The following IWS1 variants were observed in gnomAD, a reference collection of about 807,000 sequenced individuals.
The protein encoded by IWS1 is protein IWS1 homolog.
Under a neutral mutation model 86.7 loss-of-function variants are expected in IWS1, and 27 were observed. The ratio of observed to expected loss-of-function variants is 0.31; its 90% CI spans 0.23 to 0.43. The LOEUF is 0.43. IWS1 is among the 20% of genes least tolerant of loss of function. IWS1 has a pLI of 1.00. For synonymous variants in IWS1, 313 were observed against 335.1 expected (o/e 0.93, Z 0.72); for missense variants, 827 against 1,000.8 (o/e 0.83, Z 2.34).
intron 8 of IWS1, among the ~76,000 whole-genome samples, chr2:127,494,247 A>T (rs1202283661): frequency 0.15 from 1,324 of 8,582 alleles, 22 homozygotes; most frequent in African/African-American, 0.32. Flanking sequence ...TCTCTAATTA[A>T]AAAAAAAAAA....
intron 2 of IWS1, among the ~76,000 whole-genome samples, chr2:127,523,118 G>A (rs1692191713): frequency 6.6e-6 from 1 of 152,152 alleles, no homozygotes; most frequent in African/African-American, 2.4e-5. Flanking sequence ...CTATGAGGTG[G>A]GAGGATAGCT....
At chr2:127,524,453 AG>A (rs1692274381) in intron 1 of IWS1, among the ~76,000 whole-genome samples, 1 of 151,020 alleles carries the variant, frequency 6.6e-6, no homozygotes, top group African/African-American at 2.4e-5. Context: ...TGCCTCCTAA[AG>A]TGCTGGGATT....
Position 127,523,911 on chromosome 2 carries a change from C to T in IWS1, c.35-120G>A. 6.0e-6 allele frequency: 4 copies of T among 661,300 alleles called. No homozygotes were observed. The East Asian group carries it at 7.6e-5, about 13-fold the overall frequency. 41.0% of individuals were successfully genotyped at this position (661,300 alleles called of 1,614,324 possible). On this transcript the variant is annotated intron_variant, in intron 1 of 13. Coordinates refer to ENST00000295321, the MANE Select transcript of IWS1 (RefSeq NM_017969.3). ...AAAGTTACCACTGAGGAAGCATTAA[C>T]TAAAGTTGCTAATATTTTGAATAAG... is the stretch of plus-strand genomic sequence containing the variant.
intron 8 of IWS1, among the ~76,000 whole-genome samples, chr2:127,494,248 A>G (rs75715244): frequency 1.0e-5 from 1 of 100,428 alleles, no homozygotes; most frequent in Non-Finnish European, 2.6e-5. Flanking sequence ...CTCTAATTAA[A>G]AAAAAAAAAA....
At chr2:127,527,275 A>T (rs1403733375), upstream of IWS1, among the ~76,000 whole-genome samples, 1 of 152,186 alleles carries the variant, frequency 6.6e-6, no homozygotes, top group Non-Finnish European at 1.5e-5. Flanking sequence ...CTGTTAATAA[A>T]GCCAAACAGA....
chr2:127,505,011 G>A lies in IWS1; in HGVS notation c.892C>T (p.Arg298Ter), dbSNP rs763687905. 2 of 1,613,504 alleles carry A rather than the reference G, an allele frequency of 1.2e-6. No homozygotes were observed. The highest frequency in any genetic ancestry group is 1.7e-5 in the Admixed American group (1 of 59,900). Residue 298 changes from arginine (R) to a stop codon, truncating the protein, a stop_gained, in exon 3 of 14, where the codon CGA becomes TGA. Coordinates refer to ENST00000295321, the MANE Select transcript of IWS1 (RefSeq NM_017969.3). LOFTEE classifies it high-confidence loss of function. This position sits in a 1 kb window ranked among gnomAD's most constrained non-coding sequence, Gnocchi z 5.0. ...CCCTCACTCTCAGAGTCACTGACTC[G>A]GGGTTTGGGTAGCTCCTCATTTTCC... ...DSENEELPKP[R>*]VSDSESEGPQ...
chr2:127,526,633 T>G, upstream of IWS1: 1 of 1,331,564 alleles, frequency 7.5e-7, no homozygotes. Context: ...TTTAGTTAAA[T>G]ACCTTCCTCG....
chr2:127,486,922 T>C (rs144915154), intron 12 of IWS1, among the ~76,000 whole-genome samples: 1 of 152,286 alleles, frequency 6.6e-6, no homozygotes, highest in East Asian at 1.9e-4. Flanking sequence ...TTTTCTCCTC[T>C]CCTCAGCTTC....
intron 2 of IWS1, among the ~76,000 whole-genome samples, chr2:127,509,707 C>CA (rs34526019): frequency 0.7 from 38,548 of 55,060 alleles, 14,003 homozygotes; most frequent in East Asian, 0.81. Flanking sequence ...CACTCCATCT[C>CA]AAAAAAAAAA....
rs1690139418 is a variant in IWS1, at chr2:127,490,012, C to T, written c.2048-69G>A. ...TTTCCATTTTTTTCAAATAATTGCA[C>T]CCCAGTGTGAGGGGATATTCTAGAC... On this transcript the variant is annotated intron_variant, in intron 10 of 13. Coordinates refer to ENST00000295321, the MANE Select transcript of IWS1 (RefSeq NM_017969.3). 9.5e-6 allele frequency: 8 copies of T among 840,804 alleles called. 1 individual carries two copies. In the South Asian group the frequency reaches 1.1e-4, roughly 11 times the overall value. The allele number at this position is 840,804 out of a possible 1,614,324, so 52.1% of individuals were successfully genotyped here.
intron 9 of IWS1, chr2:127,492,968 G>A (rs111999301): frequency 0.019 from 3,466 of 182,922 alleles, 133 homozygotes; most frequent in African/African-American, 0.076. Context: ...TCAAATGCAA[G>A]TTCATATGAT....
Position 127,480,907 on chromosome 2 carries a change from ATG to A in IWS1, c.*135_*136del. On this transcript the variant is annotated 3_prime_UTR_variant, in exon 14 of 14. Coordinates refer to ENST00000295321, the MANE Select transcript of IWS1 (RefSeq NM_017969.3). ...ACGGTTTTAAATATAACTGAGAGAA[ATG>A]TGAGTCCTATGACAACATCTGATAC... 1.1e-6 allele frequency: 1 copy of A among 875,784 alleles called. No homozygotes were observed. The highest frequency in any genetic ancestry group is 2.0e-5 in the South Asian group (1 of 49,912). 54.3% of individuals were successfully genotyped at this position (875,784 alleles called of 1,614,324 possible). A position where few individuals can be genotyped will look rare whatever the true frequency, so the allele number is the denominator to read the frequency against.
chr2:127,488,758 T>A (rs1218402300), intron 12 of IWS1, among the ~76,000 whole-genome samples: 1 of 152,170 alleles, frequency 6.6e-6, no homozygotes, highest in African/African-American at 2.4e-5. Flanking sequence ...AACCTTATCT[T>A]CTACCACCTC....
chr2:127,522,391 TTTG>T lies in IWS1; in HGVS notation c.150+1282_150+1284del, dbSNP rs139474030. Among the ~76,000 whole-genome samples, 191 of 152,354 alleles carry T rather than the reference TTTG, an allele frequency of 1.3e-3. 4 individuals carry two copies. The East Asian group carries it at 0.03, about 24-fold the overall frequency. On this transcript the variant is annotated intron_variant, in intron 2 of 13. Transcript: ENST00000295321. Reference sequence around the variant, plus strand: ...CTAATTATCTGTTTTCTTCACAGCATTTGTTATCTTCTAGCAGACTACACAATT... The same window carrying T: ...CTAATTATCTGTTTTCTTCACAGCATTTATCTTCTAGCAGACTACACAATT...
At position 127,489,348 on chromosome 2, in the gene IWS1, G is replaced by T; in HGVS notation, c.2160-113C>A. 1 of 688,908 alleles carries T rather than the reference G, an allele frequency of 1.5e-6. No individual in the cohort carries two copies. The highest frequency in any genetic ancestry group is 2.7e-5 in the East Asian group (1 of 37,044). 42.7% of individuals were successfully genotyped at this position (688,908 alleles called of 1,614,324 possible). ...TAACTATTAATAGCTCTTTTACGATGGATCAGGGAAAATAATTCCTAATCT... is the reference window on the plus strand; with the variant it reads ...TAACTATTAATAGCTCTTTTACGATTGATCAGGGAAAATAATTCCTAATCT... On this transcript the variant is annotated intron_variant, in intron 11 of 13. Coordinates refer to ENST00000295321, the MANE Select transcript of IWS1 (RefSeq NM_017969.3). The surrounding 1 kb of genome is among the most constrained non-coding windows in gnomAD (Gnocchi z 4.8).
At chr2:127,495,276 A>G (rs773107232) in intron 7 of IWS1, among the ~76,000 whole-genome samples, 6 of 152,208 alleles carry the variant, frequency 3.9e-5, no homozygotes, top group Non-Finnish European at 5.9e-5. Flanking sequence ...CTGGTTTATT[A>G]TATTAGGAAC....
chr2:127,486,335 GA>G (rs1368255719), intron 13 of IWS1: 1 of 414,592 alleles, frequency 2.4e-6, no homozygotes, highest in Non-Finnish European at 4.5e-6. Context: ...GTTGAATTAA[GA>G]CTGAAGAAAA....
chr2:127,521,612 C>G (rs558227801), intron 2 of IWS1, among the ~76,000 whole-genome samples: 1 of 152,294 alleles, frequency 6.6e-6, no homozygotes, highest in South Asian at 2.1e-4. Flanking sequence ...GACAAAATCA[C>G]CCAACACAAA....
At position 127,526,234 on chromosome 2, in the gene IWS1, G is replaced by A; in HGVS notation, c.-26C>T. 6.4e-7 allele frequency: 1 copy of A among 1,556,458 alleles called. No homozygotes were observed. Among genetic ancestry groups the A allele is most frequent in the Non-Finnish European group, 8.7e-7 (1 of 1,151,902 alleles). ...GGCAGGCGGACTCTCAGCGGGGAGTGTCCGCGCCCCGCGCCGCCCCCGTCA... is the reference window on the plus strand; with the variant it reads ...GGCAGGCGGACTCTCAGCGGGGAGTATCCGCGCCCCGCGCCGCCCCCGTCA... On this transcript the variant is annotated 5_prime_UTR_variant, in exon 1 of 14. Transcript: ENST00000295321.
Sources: allele counts gnomAD v4.1 joint callset (sites outside exome capture counted in the v4.1 genomes callset), GRCh38; gene constraint gnomAD v4.1.1; non-coding constraint Gnocchi (gnomAD v3.1); transcripts MANE v1.5; gene names NCBI Gene and HGNC (gene_info 2026-07-23, HGNC 2026-07-21).